The following GPR149 variants were observed in gnomAD, a reference collection of about 807,000 sequenced individuals.
GPR149 encodes probable G protein-coupled receptor 149.
Under a neutral mutation model 50.2 loss-of-function variants are expected in GPR149, and 50 were observed. The observed-to-expected ratio is 1.00, with a 90% CI of 0.79 to 1.26. The LOEUF (loss-of-function observed/expected upper bound fraction) is 1.26, where lower values mean the gene tolerates loss of function less well. Among genes scored for constraint, GPR149 ranks in the 50% most tolerant of loss-of-function variants. GPR149 has a pLI of 0.00. For missense variants in GPR149, 983 were observed against 895.4 expected (o/e 1.10, Z -1.25); for synonymous variants, 405 against 358.2 (o/e 1.13, Z -1.48).
At chr3:154,339,272 A>AT (rs1389144429) in intron 3 of GPR149, among the ~76,000 whole-genome samples, 13 of 152,156 alleles carry the variant, frequency 8.5e-5, no homozygotes, top group African/African-American at 3.1e-4. Flanking sequence ...AGCAATCTGT[A>AT]TTTTAACAAG....
At chr3:154,358,428 T>C (rs1303092584) in intron 3 of GPR149, among the ~76,000 whole-genome samples, 4 of 151,996 alleles carry the variant, frequency 2.6e-5, no homozygotes, top group African/African-American at 9.7e-5. Context: ...CCTTGAAAAA[T>C]ATCTAAGTAT....
chr3:154,351,759 A>G (rs1303115155), intron 3 of GPR149, among the ~76,000 whole-genome samples: 1 of 152,172 alleles, frequency 6.6e-6, no homozygotes, highest in African/African-American at 2.4e-5. Context: ...AAATTTTGTT[A>G]TTTTATAGGG....
At chr3:154,356,940 G>T (rs13326822) in intron 3 of GPR149, among the ~76,000 whole-genome samples, 36,793 of 151,990 alleles carry the variant, frequency 0.24, 4,704 homozygotes, top group South Asian at 0.32. Flanking sequence ...TATACTACAA[G>T]CCTACAGTAA....
intron 3 of GPR149, among the ~76,000 whole-genome samples, chr3:154,404,009 T>C (rs1711612273): frequency 6.6e-6 from 1 of 152,210 alleles, no homozygotes. Flanking sequence ...ATGTGACTAG[T>C]GGTTAATGTA....
At chr3:154,380,694 T>C (rs1310831891) in intron 3 of GPR149, among the ~76,000 whole-genome samples, 1 of 122,478 alleles carries the variant, frequency 8.2e-6, no homozygotes, top group African/African-American at 2.9e-5. Flanking sequence ...CATTTAAGAA[T>C]TAAATTATTC....
chr3:154,396,828 G>A (rs1715304123), intron 3 of GPR149, among the ~76,000 whole-genome samples: 2 of 151,260 alleles, frequency 1.3e-5, no homozygotes, highest in African/African-American at 4.8e-5. Context: ...AGGGAGTAGA[G>A]GTTAAAAAAA....
intron 1 of GPR149, 34 bp downstream of exon 1, chr3:154,428,601 C>G: frequency 6.3e-7 from 1 of 1,590,504 alleles, no homozygotes; most frequent in Non-Finnish European, 8.6e-7. Context: ...GTCTGGCACA[C>G]ACACTCGCGC....
chr3:154,339,565 C>G (rs1368064752), intron 3 of GPR149, among the ~76,000 whole-genome samples: 1 of 152,058 alleles, frequency 6.6e-6, no homozygotes, highest in African/African-American at 2.4e-5. Context: ...ATTTCTGCAT[C>G]CCAGGAAATC....
chr3:154,359,557 G>T (rs1714332962), intron 3 of GPR149, among the ~76,000 whole-genome samples: 2 of 152,168 alleles, frequency 1.3e-5, no homozygotes, highest in Non-Finnish European at 2.9e-5. Context: ...TGGGCCCACA[G>T]AGGTCGTGGT....
intron 3 of GPR149, among the ~76,000 whole-genome samples, chr3:154,389,919 G>A (rs1044273780): frequency 1.3e-5 from 2 of 152,158 alleles, no homozygotes; most frequent in Non-Finnish European, 2.9e-5. Flanking sequence ...CTCTTGTGAG[G>A]GAAGAAAAGA....
chr3:154,405,688 C>A (rs1488098220), intron 3 of GPR149, among the ~76,000 whole-genome samples: 3 of 150,818 alleles, frequency 2.0e-5, no homozygotes, highest in South Asian at 2.1e-4. Flanking sequence ...AATGATTGAC[C>A]TTTAAATAAA....
rs1175398541 is a variant in GPR149 at position 154,407,693 on chromosome 3, T to TACACACACACACACACACACACACACAC, written c.1623+13345_1623+13346insGTGTGTGTGTGTGTGTGTGTGTGTGTGT. Among the ~76,000 whole-genome samples the TACACACACACACACACACACACACACAC allele has an allele frequency of 1.3e-4, 18 of 140,040 alleles. No individual in the cohort carries two copies. The East Asian group carries it at 2.7e-3, about 21-fold the overall frequency. 91.9% of individuals were successfully genotyped at this position (140,040 alleles called of 152,430 possible). A position where few individuals can be genotyped will look rare whatever the true frequency, so the allele number is the denominator to read the frequency against. Reference sequence around the variant, plus strand: ...TTCATGTGTGTATATGTCATGTGTATACACACACACACACACACACACACA... The same window carrying TACACACACACACACACACACACACACAC: ...TTCATGTGTGTATATGTCATGTGTATACACACACACACACACACACACACACACACACACACACACACACACACACACA... On this transcript the variant is annotated intron_variant, in intron 3 of 3. Transcript: ENST00000389740.
chr3:154,348,271 G>A (rs1270804580), intron 3 of GPR149, among the ~76,000 whole-genome samples: 1 of 152,170 alleles, frequency 6.6e-6, no homozygotes, highest in African/African-American at 2.4e-5. Flanking sequence ...CTCTGCAGTA[G>A]TTTATTCTTG....
chr3:154,380,166 C>CAGAGAGAG (rs57858107), intron 3 of GPR149, among the ~76,000 whole-genome samples: 29 of 133,602 alleles, frequency 2.2e-4, no homozygotes, highest in Admixed American at 4.6e-4. Context: ...GTGAGAGAGA[C>CAGAGAGAG]AGAGAGAGAG....
intron 3 of GPR149, among the ~76,000 whole-genome samples, chr3:154,345,775 G>T (rs1304154908): frequency 6.6e-6 from 1 of 152,188 alleles, no homozygotes; most frequent in African/African-American, 2.4e-5. Flanking sequence ...GAAGTAGTCT[G>T]TTGATAATCT....
chr3:154,355,560 T>C (rs1714200044), intron 3 of GPR149, among the ~76,000 whole-genome samples: 1 of 152,248 alleles, frequency 6.6e-6, no homozygotes, highest in African/African-American at 2.4e-5. Flanking sequence ...AGATATGATA[T>C]GTATCCAAAT....
At chr3:154,369,768 G>A (rs765566293) in intron 3 of GPR149, among the ~76,000 whole-genome samples, 2 of 152,248 alleles carry the variant, frequency 1.3e-5, no homozygotes, top group African/African-American at 2.4e-5. Context: ...AAGGATTGGG[G>A]CAGTCCTTTG....
intron 3 of GPR149, among the ~76,000 whole-genome samples, chr3:154,373,739 TTCTACTCCTC>T (rs1167253674): frequency 2.6e-5 from 4 of 152,292 alleles, no homozygotes; most frequent in Middle Eastern, 3.4e-3. Context: ...ATTCTCTGTC[TTCTACTCCTC>T]TCAGGACTCC....
At chr3:154,408,363 C>T (rs1354813562) in intron 3 of GPR149, among the ~76,000 whole-genome samples, 2 of 152,200 alleles carry the variant, frequency 1.3e-5, no homozygotes, top group African/African-American at 4.8e-5. Context: ...ACTGCAGGCT[C>T]CCTGAGACCC....
Sources: allele counts gnomAD v4.1 joint callset (sites outside exome capture counted in the v4.1 genomes callset), GRCh38; gene constraint gnomAD v4.1.1; transcripts MANE v1.5; gene names NCBI Gene and HGNC (gene_info 2026-07-23, HGNC 2026-07-21).